The following DYSF variants were observed in gnomAD, a reference collection of about 807,000 sequenced individuals.
DYSF encodes the protein dysferlin, also known as dystrophy-associated fer-1-like 1.
DYSF carries 212 observed loss-of-function variants against 274.9 expected under a neutral mutation model. The observed-to-expected ratio is 0.77, with a 90% CI of 0.69 to 0.86. The LOEUF (loss-of-function observed/expected upper bound fraction) is 0.86, where lower values mean the gene tolerates loss of function less well. Among genes scored for constraint, DYSF ranks in the 40% least tolerant of loss-of-function variants. The probability of loss-of-function intolerance (pLI) is 0.00; values close to 1 mark genes in which losing one functional copy is unlikely to be tolerated. For synonymous variants in DYSF, 1,091 were observed against 1,078.7 expected, an observed-to-expected ratio of 1.01 and a Z score of -0.22; for missense variants, 2,666 against 2,783.2, an observed-to-expected ratio of 0.96 and a Z score of 0.95.
chr2:71,491,160 T>C (rs1044637396), intron 3 of DYSF, among the ~76,000 whole-genome samples: 2 of 152,270 alleles, frequency 1.3e-5, no homozygotes, highest in African/African-American at 2.4e-5. Context: ...ATTTGTAAAG[T>C]TGAGCATCTT....
chr2:71,609,599 A>G (rs141807928), intron 36 of DYSF, among the ~76,000 whole-genome samples: 1,949 of 152,324 alleles, frequency 0.013, 14 homozygotes, highest in Middle Eastern at 0.034. Context: ...TCAGATCTTC[A>G]TCTGAGAATA....
chr2:71,600,985 C>T (rs749734937), intron 34 of DYSF, 143 bp downstream of exon 34: 3 of 1,067,526 alleles, frequency 2.8e-6, no homozygotes, highest in Non-Finnish European at 4.1e-6. Flanking sequence ...AGGACACCAT[C>T]TAACATCGGA....
intron 41 of DYSF, among the ~76,000 whole-genome samples, chr2:71,624,681 T>C (rs1447357389): frequency 6.6e-6 from 1 of 151,790 alleles, no homozygotes; most frequent in African/African-American, 2.4e-5. Flanking sequence ...CCGACAATCA[T>C]GTAATTTAAA....
chr2:71,574,287 C>G lies in DYSF; in HGVS notation c.3318C>G (p.Ala1106=), dbSNP rs753777255. 61 of 1,613,970 alleles carry G rather than the reference C, an allele frequency of 3.8e-5. No homozygotes were observed. Among genetic ancestry groups the G allele is most frequent in the Non-Finnish European group, 5.1e-5 (60 of 1,179,974 alleles). The change falls in exon 30 of 56, where the codon GCC becomes GCG. Residue 1106 remains alanine (A), a synonymous_variant. Coordinates refer to ENST00000410020, the MANE Select transcript of DYSF (RefSeq NM_001130987.2). Reference sequence around the variant, plus strand: ...ACCTCGAGTACCGCAAGACAGATGCCTTCCGCCGCCGCCGCTGGCGCCGTC... The same window carrying G: ...ACCTCGAGTACCGCAAGACAGATGCGTTCCGCCGCCGCCGCTGGCGCCGTC... ...KFHLEYRKTD[A]FRRRRWRRRM... is the part of the protein sequence containing the mutation.
rs374204501 is a variant in DYSF at position 71,553,087 on chromosome 2, C to G, written c.1883C>G (p.Ala628Gly). The G allele has an allele frequency of 1.2e-5, 19 of 1,614,074 alleles. No homozygotes were observed. In the African/African-American group the frequency reaches 2.0e-4, roughly 17 times the overall value. Residue 628 changes from alanine (A) to glycine (G), a missense_variant, in exon 20 of 56, where the codon GCC (alanine) becomes GGC (glycine). Ala to Gly is a moderately conservative substitution (Grantham distance 60). This residue lies in a region of DYSF where 412 missense variants were observed against 504.0 expected (regional missense o/e 0.82). Transcript: ENST00000410020. Reference protein sequence around the residue: ...SATMLQDVDDAIQFEVSIGNY... With the variant: ...SATMLQDVDDGIQFEVSIGNY... Reference sequence around the variant, plus strand: ...ACCATGCTGCAGGATGTGGATGATGCCATCCAGTTTGAGGTCAGCATCGGG... The same window carrying G: ...ACCATGCTGCAGGATGTGGATGATGGCATCCAGTTTGAGGTCAGCATCGGG...
chr2:71,489,602 G>A (rs1202482600), intron 3 of DYSF, among the ~76,000 whole-genome samples: 2 of 152,228 alleles, frequency 1.3e-5, no homozygotes, highest in African/African-American at 4.8e-5. Context: ...CCAGGAAGGG[G>A]CTGAACATGC....
intron 10 of DYSF, among the ~76,000 whole-genome samples, chr2:71,519,847 G>C (rs192471376): frequency 0.014 from 1,614 of 119,384 alleles, 33 homozygotes; most frequent in African/African-American, 0.049. Context: ...ATTTTTAATA[G>C]AGATGGAGTT....
At chr2:71,580,470 G>A (rs57433250) in intron 30 of DYSF, among the ~76,000 whole-genome samples, 38,270 of 152,194 alleles carry the variant, frequency 0.25, 4,989 homozygotes, top group East Asian at 0.35. Flanking sequence ...GATGGGGAGG[G>A]AGGGGCGGCT....
intron 22 of DYSF, among the ~76,000 whole-genome samples, chr2:71,558,428 G>C (rs764285219): frequency 6.6e-6 from 1 of 152,216 alleles, no homozygotes; most frequent in Non-Finnish European, 1.5e-5. Context: ...CAGCCACTGG[G>C]TGAGCTCCCC....
intron 1 of DYSF, chr2:71,454,158 T>G: frequency 7.0e-7 from 1 of 1,430,184 alleles, no homozygotes; most frequent in Non-Finnish European, 9.7e-7. Flanking sequence ...CTCTCAACCC[T>G]GGAGAGCACC....
rs1372449886 is a variant in DYSF, at chr2:71,536,272, G to A, written c.1493+961G>A. 2.0e-5 allele frequency among the ~76,000 whole-genome samples: 3 copies of A among 152,176 alleles called. 1 individual carries two copies. Among genetic ancestry groups the A allele is most frequent in the Non-Finnish European group, 4.4e-5 (3 of 68,034 alleles). ...ATGCCCATGACACCCCCAACCAGGA[G>A]GATAATGAGAGACTAGGGAAAAACC... On this transcript the variant is annotated intron_variant, in intron 16 of 55. Transcript: ENST00000410020.
At chr2:71,532,230 T>C (rs745610146) in intron 14 of DYSF, among the ~76,000 whole-genome samples, 4 of 152,212 alleles carry the variant, frequency 2.6e-5, no homozygotes, top group African/African-American at 9.7e-5. Context: ...ATAAACAACA[T>C]TGTGACAAAC....
intron 53 of DYSF, among the ~76,000 whole-genome samples, 154 bp downstream of exon 53, chr2:71,679,389 A>C (rs1368095745): frequency 1.4e-5 from 2 of 144,492 alleles, no homozygotes; most frequent in Admixed American, 7.0e-5. Flanking sequence ...TCTATTTTCC[A>C]AGGCATTCTC....
chr2:71,590,440 C>G lies in DYSF; in HGVS notation c.3574+152C>G, dbSNP rs576074871. On this transcript the variant is annotated intron_variant, in intron 32 of 55. Transcript: ENST00000410020. ...CCTGTGGCTTCTTGGTCGTCAGGTG[C>G]AGCAAACTCTTGTCCATGGCCTGCT... is the stretch of plus-strand genomic sequence containing the variant. 215 of 813,114 alleles carry G rather than the reference C, an allele frequency of 2.6e-4. No homozygotes were observed. In the South Asian group the frequency reaches 3.0e-3, roughly 11 times the overall value. 50.4% of individuals were successfully genotyped at this position (813,114 alleles called of 1,614,324 possible).
rs749697295 is a variant in DYSF, at chr2:71,658,925, GC to G, written c.4808del (p.Pro1603GlnfsTer44). The part of the protein sequence containing the change: ...PLPEDPAIPM[P>X]PRQFHQLAAQ... ...TCCCAGAAGACCCAGCCATCCCCAT[GC>G]CCCCAAGACAGTTCCACCAGCTGGC... On this transcript the variant is annotated frameshift_variant, in exon 44 of 56. Transcript: ENST00000410020. LOFTEE classifies it high-confidence loss of function. 6.2e-7 allele frequency: 1 copy of G among 1,614,106 alleles called. No individual in the cohort carries two copies. Among genetic ancestry groups the G allele is most frequent in the Non-Finnish European group, 8.5e-7 (1 of 1,180,016 alleles).
chr2:71,618,336 G>A (rs897142954), intron 40 of DYSF, among the ~76,000 whole-genome samples: 3 of 46,570 alleles, frequency 6.4e-5, no homozygotes, highest in African/African-American at 7.3e-5. Flanking sequence ...GATGGGGTGT[G>A]TGTGTGGTAG....
At chr2:71,566,935 G>C (rs1207598507) in intron 24 of DYSF, among the ~76,000 whole-genome samples, 2 of 152,164 alleles carry the variant, frequency 1.3e-5, no homozygotes, top group East Asian at 1.9e-4. Context: ...AGGGATCCAG[G>C]CCTCCCTGAC....
chr2:71,625,556 C>T (rs944280443), intron 41 of DYSF, among the ~76,000 whole-genome samples: 3 of 151,982 alleles, frequency 2.0e-5, no homozygotes, highest in Non-Finnish European at 4.4e-5. Flanking sequence ...ATTTTAGTAT[C>T]TTATTTACTA....
At position 71,551,051 on chromosome 2, in the gene DYSF, C is replaced by G; in HGVS notation, c.1587C>G (p.Tyr529Ter). The G allele has an allele frequency of 6.2e-7, 1 of 1,614,088 alleles. No homozygotes were observed. Among genetic ancestry groups the G allele is most frequent in the South Asian group, 1.1e-5 (1 of 91,088 alleles). Residue 529 changes from tyrosine to a stop codon, truncating the protein, a stop_gained, in exon 18 of 56, where the codon TAC (tyrosine) becomes TAG (stop). Transcript: ENST00000410020. LOFTEE classifies it high-confidence loss of function. ...ACTTGTGTCTCCCAGTGGATGACTA[C>G]CTGGGCTTCCTCCCCACTTTTGGGC... ...APGGEIEVDD[Y>*]LGFLPTFGPC...
Sources: allele counts gnomAD v4.1 joint callset (sites outside exome capture counted in the v4.1 genomes callset), GRCh38; gene constraint gnomAD v4.1.1; regional missense constraint gnomAD v4.1.1; transcripts MANE v1.5; gene names NCBI Gene and HGNC (gene_info 2026-07-23, HGNC 2026-07-21).